Variants in CHRM5 observed in about 807,000 individuals in gnomAD.
The protein encoded by CHRM5 is cholinergic receptor muscarinic 5, also known as muscarinic acetylcholine receptor M5.
Under a neutral mutation model 39.0 loss-of-function variants are expected in CHRM5, and 18 were observed. The observed-to-expected ratio is 0.46, with a 90% CI of 0.32 to 0.68. The LOEUF (loss-of-function observed/expected upper bound fraction) is 0.68. Among genes scored for constraint, CHRM5 ranks in the 30% least tolerant of loss-of-function variants. CHRM5 has a pLI of 0.04. For synonymous variants in CHRM5, 241 were observed against 246.3 expected (o/e 0.98, Z 0.20); for missense variants, 515 against 651.1 (o/e 0.79, Z 2.28).
chr15:34,013,678 T>C (rs1897736126), intron 1 of CHRM5, among the ~76,000 whole-genome samples: 1 of 152,180 alleles, frequency 6.6e-6, no homozygotes, highest in African/African-American at 2.4e-5. Flanking sequence ...TATAGTGTGA[T>C]ATCAGCTACT....
chr15:34,063,769 C>A lies in CHRM5; in HGVS notation c.1052C>A (p.Thr351Asn). ...ETEETFVKAE[T>N]EKSDYDTPNY... ...GAGGAAACTTTTGTGAAAGCTGAAA[C>A]TGAAAAAAGTGACTATGACACCCCA... Residue 351 changes from threonine to asparagine, a missense_variant, in exon 3 of 3, where the codon ACT becomes AAT. Transcript: ENST00000383263. This position sits in a 1 kb window ranked among gnomAD's most constrained non-coding sequence, Gnocchi z 4.1. 6.2e-7 allele frequency: 1 copy of A among 1,614,166 alleles called. No individual in the cohort carries two copies. Among genetic ancestry groups the A allele is most frequent in the African/African-American group, 1.3e-5 (1 of 75,052 alleles).
At chr15:33,985,464 G>C (rs1175753319) in intron 1 of CHRM5, among the ~76,000 whole-genome samples, 1 of 107,934 alleles carries the variant, frequency 9.3e-6, no homozygotes, top group African/African-American at 3.7e-5. Context: ...CCTTGAGTAA[G>C]TAGAAGCAAC....
chr15:34,004,177 G>C (rs886788580), intron 1 of CHRM5, among the ~76,000 whole-genome samples: 3 of 152,182 alleles, frequency 2.0e-5, no homozygotes, highest in Non-Finnish European at 4.4e-5. Flanking sequence ...CAATAGAAAA[G>C]CTTGGGTATA....
At chr15:34,039,126 A>C (rs1224386616) in intron 1 of CHRM5, 13 of 1,039,544 alleles carry the variant, frequency 1.3e-5, no homozygotes, top group Middle Eastern at 4.5e-4. Context: ...AGCGGGCCGC[A>C]CGGAGGAGCC....
chr15:34,029,233 G>C (rs1898646881), intron 1 of CHRM5, among the ~76,000 whole-genome samples: 1 of 152,052 alleles, frequency 6.6e-6, no homozygotes, highest in Admixed American at 6.6e-5. Context: ...TCTACTTTAA[G>C]TTTACTTCCA....
chr15:34,002,449 G>A (rs1288488499), intron 1 of CHRM5, among the ~76,000 whole-genome samples: 1 of 151,888 alleles, frequency 6.6e-6, no homozygotes, highest in Non-Finnish European at 1.5e-5. Flanking sequence ...ATTCTTCCCT[G>A]TTACTGCTCT....
chr15:34,060,783 T>C (rs547047777), intron 2 of CHRM5, among the ~76,000 whole-genome samples: 2 of 152,184 alleles, frequency 1.3e-5, no homozygotes, highest in East Asian at 1.9e-4. Flanking sequence ...GGCAGGAGAA[T>C]TGCTTGAACC....
At chr15:34,044,050 C>T (rs1471391274) in intron 1 of CHRM5, among the ~76,000 whole-genome samples, 1 of 150,706 alleles carries the variant, frequency 6.6e-6, no homozygotes, top group African/African-American at 2.4e-5. Context: ...ATGAATCATT[C>T]ACATTAGCAT....
At chr15:34,010,084 TAA>T (rs1897571499) in intron 1 of CHRM5, among the ~76,000 whole-genome samples, 1 of 152,082 alleles carries the variant, frequency 6.6e-6, no homozygotes, top group Admixed American at 6.5e-5. Flanking sequence ...AGTTTAACAA[TAA>T]TAGTTAGAAA....
chr15:34,002,707 T>C (rs1295458219), intron 1 of CHRM5, among the ~76,000 whole-genome samples: 1 of 152,172 alleles, frequency 6.6e-6, no homozygotes, highest in African/African-American at 2.4e-5. Context: ...ATAAGGAATG[T>C]TTCCTCCAAT....
At chr15:34,014,062 AAAAAAG>A (rs1162508596) in intron 1 of CHRM5, among the ~76,000 whole-genome samples, 2 of 152,038 alleles carry the variant, frequency 1.3e-5, no homozygotes, top group Non-Finnish European at 2.9e-5. Flanking sequence ...GGGAAATTTT[AAAAAAG>A]AAAAACACAT....
At chr15:34,007,812 T>A (rs1729100204) in intron 1 of CHRM5, among the ~76,000 whole-genome samples, 1 of 152,212 alleles carries the variant, frequency 6.6e-6, no homozygotes, top group Non-Finnish European at 1.5e-5. Flanking sequence ...TTCTGGAAGT[T>A]CTGAGGGAGA....
intron 1 of CHRM5, among the ~76,000 whole-genome samples, chr15:33,990,496 A>G (rs895275393): frequency 6.6e-6 from 1 of 152,268 alleles, no homozygotes; most frequent in African/African-American, 2.4e-5. Flanking sequence ...GAGTATCTGG[A>G]ATACAACTTA....
At chr15:33,985,454 C>T (rs647721) in intron 1 of CHRM5, among the ~76,000 whole-genome samples, 138,447 of 150,474 alleles carry the variant, frequency 0.92, 64,643 homozygotes, top group Non-Finnish European at 1. Context: ...AGAGTAAGTT[C>T]CTTGAGTAAG....
chr15:33,976,994 T>C (rs1411530636), intron 1 of CHRM5, among the ~76,000 whole-genome samples: 1 of 152,188 alleles, frequency 6.6e-6, no homozygotes, highest in African/African-American at 2.4e-5. Context: ...TGATTCCTTA[T>C]ATAGAAAAGA....
chr15:33,983,931 A>G (rs922849253), intron 1 of CHRM5, among the ~76,000 whole-genome samples: 1 of 73,398 alleles, frequency 1.4e-5, no homozygotes, highest in East Asian at 6.5e-4. Context: ...CCTCATCATG[A>G]AAAAAAAAAA....
At chr15:33,986,361 G>A (rs567463162) in intron 1 of CHRM5, among the ~76,000 whole-genome samples, 9 of 151,948 alleles carry the variant, frequency 5.9e-5, no homozygotes, top group African/African-American at 1.9e-4. Context: ...CACCCACCTC[G>A]GCCTCCCAAA....
At chr15:34,033,929 A>G (rs1459929947) in intron 1 of CHRM5, among the ~76,000 whole-genome samples, 1 of 152,128 alleles carries the variant, frequency 6.6e-6, no homozygotes, top group Non-Finnish European at 1.5e-5. Flanking sequence ...CTGGGATTAC[A>G]GGTGCGCGCC....
chr15:34,038,800 C>A, intron 1 of CHRM5: 1 of 1,193,068 alleles, frequency 8.4e-7, no homozygotes, highest in South Asian at 3.4e-5. Context: ...GCCCCTGCGC[C>A]CCAGCCTCCC....
Sources: gnomAD v4.1 joint callset for allele counts (sites outside exome capture counted in the v4.1 genomes callset) on GRCh38, gnomAD v4.1.1 for gene constraint, Gnocchi (gnomAD v3.1) non-coding constraint, MANE v1.5 for transcripts, NCBI Gene and HGNC (gene_info 2026-07-23, HGNC 2026-07-21) for gene names.